The following CRYL1 variants were observed in gnomAD, a reference collection of about 807,000 sequenced individuals.
The protein encoded by CRYL1 is lambda-crystallin homolog.
CRYL1 carries 29 observed loss-of-function variants against 36.6 expected under a neutral mutation model. That is an observed-to-expected ratio of 0.79 (90% CI 0.59 to 1.08). The LOEUF (loss-of-function observed/expected upper bound fraction) is 1.08, where lower values mean the gene tolerates loss of function less well. CRYL1 is among the 50% of genes least tolerant of loss of function. CRYL1 has a pLI of 0.00. For synonymous variants in CRYL1, 152 were observed against 151.5 expected, an observed-to-expected ratio of 1.00 and a Z score of -0.02; for missense variants, 411 against 407.9, an observed-to-expected ratio of 1.01 and a Z score of -0.06.
At chr13:20,470,910 C>CAAAAAAAAA (rs11353451) in intron 3 of CRYL1, among the ~76,000 whole-genome samples, 17 of 40,888 alleles carry the variant, frequency 4.2e-4, no homozygotes, top group African/African-American at 1.3e-3. Context: ...AACTCCATCT[C>CAAAAAAAAA]AAAAAAAAAA....
At chr13:20,430,955 C>G in intron 5 of CRYL1, 1 of 985,420 alleles carries the variant, frequency 1.0e-6, no homozygotes, top group Admixed American at 6.1e-5. Context: ...GCCGCCCTAA[C>G]AGTGGAAACC....
intron 3 of CRYL1, among the ~76,000 whole-genome samples, chr13:20,467,096 T>C (rs1038625536): frequency 2.8e-5 from 4 of 140,420 alleles, no homozygotes; most frequent in South Asian, 2.4e-4. Context: ...TACAGGTGCC[T>C]GCCACCACGC....
intron 3 of CRYL1, among the ~76,000 whole-genome samples, chr13:20,477,499 A>G (rs1405068307): frequency 6.6e-6 from 1 of 150,686 alleles, no homozygotes; most frequent in Admixed American, 6.6e-5. Context: ...AAATACTAGC[A>G]CCCACTTTAC....
At position 20,414,496 on chromosome 13, in the gene CRYL1, G is replaced by A. The variant is rs1434952342; in HGVS notation, c.634-1109C>T. Among the ~76,000 whole-genome samples, 3 of 152,142 alleles carry A rather than the reference G, an allele frequency of 2.0e-5. No individual in the cohort carries two copies. The East Asian group carries it at 5.8e-4, about 29-fold the overall frequency. On this transcript the variant is annotated intron_variant, in intron 5 of 7. Coordinates refer to ENST00000298248, the MANE Select transcript of CRYL1 (RefSeq NM_015974.3). ...TCTAGATTTCTGCCTAGGACCCAGG[G>A]GGGAGTAAGATTAGAGCCATCAAAA...
chr13:20,427,808 T>C (rs2031966163), intron 5 of CRYL1, among the ~76,000 whole-genome samples: 1 of 144,976 alleles, frequency 6.9e-6, no homozygotes, highest in African/African-American at 2.5e-5. Context: ...AGAACACCAA[T>C]CACCAATTTC....
intron 3 of CRYL1, among the ~76,000 whole-genome samples, chr13:20,468,693 C>T (rs1225447662): frequency 1.3e-5 from 2 of 152,100 alleles, no homozygotes; most frequent in African/African-American, 4.8e-5. Flanking sequence ...GCAACCTCTG[C>T]CTCCCGGGTT....
rs1341701232 is a variant in CRYL1, at chr13:20,489,448, C to CA, written c.197dup (p.Ser67GlufsTer48). The CA allele has an allele frequency of 1.9e-6, 3 of 1,613,546 alleles. No individual in the cohort carries two copies. Among genetic ancestry groups the CA allele is most frequent in the African/African-American group, 1.3e-5 (1 of 74,936 alleles). ...TGAGTGACAGCTGCTCTTCCACACT[C>CA]AGGGAGCCTTTCAGAGAACCTGCCT... On this transcript the variant is annotated frameshift_variant, in exon 3 of 8. Transcript: ENST00000298248. LOFTEE classifies it high-confidence loss of function.
chr13:20,431,616 T>A, intron 5 of CRYL1: 1 of 1,040,724 alleles, frequency 9.6e-7, no homozygotes, highest in Non-Finnish European at 1.2e-6. Flanking sequence ...TACATATCAT[T>A]TCCTCTTTAT....
At chr13:20,474,104 C>A (rs1010103206) in intron 3 of CRYL1, among the ~76,000 whole-genome samples, 1 of 152,182 alleles carries the variant, frequency 6.6e-6, no homozygotes, top group East Asian at 1.9e-4. Flanking sequence ...ATGGGCACGT[C>A]CTGAATTCCA....
At chr13:20,451,421 T>C (rs117423119) in intron 3 of CRYL1, among the ~76,000 whole-genome samples, 3 of 152,018 alleles carry the variant, frequency 2.0e-5, no homozygotes, top group Non-Finnish European at 4.4e-5. Context: ...TCAGAATCTA[T>C]AAGGAACTTA....
intron 2 of CRYL1, among the ~76,000 whole-genome samples, chr13:20,493,221 G>A (rs2033544307): frequency 6.6e-6 from 1 of 152,198 alleles, no homozygotes; most frequent in Admixed American, 6.5e-5. Flanking sequence ...TTACCTTCTT[G>A]CCATGTGAGC....
chr13:20,453,400 G>GAATATTTTGAAATATTCTAATATATTTT, intron 3 of CRYL1, among the ~76,000 whole-genome samples: 1 of 133,538 alleles, frequency 7.5e-6, no homozygotes, highest in Non-Finnish European at 1.5e-5. Context: ...GAAATATTTT[G>GAATATTTTGAAATATTCTAATATATTTT]AATATTTTGA....
intron 2 of CRYL1, among the ~76,000 whole-genome samples, chr13:20,490,056 C>A (rs1011462822): frequency 1.3e-5 from 2 of 152,158 alleles, no homozygotes; most frequent in East Asian, 3.8e-4. Context: ...AGGAAAAATA[C>A]TGTGTGATTC....
intron 3 of CRYL1, among the ~76,000 whole-genome samples, chr13:20,484,722 T>C (rs1428998649): frequency 6.6e-6 from 1 of 152,276 alleles, no homozygotes; most frequent in South Asian, 2.1e-4. Flanking sequence ...CTATTTACAG[T>C]ATAATCTCAA....
intron 2 of CRYL1, among the ~76,000 whole-genome samples, chr13:20,495,128 T>A (rs1158998187): frequency 6.6e-6 from 1 of 152,246 alleles, no homozygotes; most frequent in Non-Finnish European, 1.5e-5. Context: ...CAATTTTTTT[T>A]ATTCTTTTGG....
At chr13:20,427,217 G>T in intron 5 of CRYL1, 1 of 985,452 alleles carries the variant, frequency 1.0e-6, no homozygotes, top group Non-Finnish European at 1.2e-6. Flanking sequence ...CCTCCGGCAG[G>T]GGAAGTAAGT....
At chr13:20,496,058 C>T (rs188533318) in intron 2 of CRYL1, among the ~76,000 whole-genome samples, 20 of 152,306 alleles carry the variant, frequency 1.3e-4, no homozygotes, top group Admixed American at 6.5e-4. Flanking sequence ...GCCTTGGCCT[C>T]CCAAAGTGCT....
At chr13:20,431,125 T>A in intron 5 of CRYL1, 1 of 985,384 alleles carries the variant, frequency 1.0e-6, no homozygotes. Flanking sequence ...GGAGGCCACA[T>A]CTGTGATGCA....
At chr13:20,412,714 G>A (rs1183165183) in intron 6 of CRYL1, among the ~76,000 whole-genome samples, 1 of 152,046 alleles carries the variant, frequency 6.6e-6, no homozygotes, top group Non-Finnish European at 1.5e-5. Flanking sequence ...ACAGATAATG[G>A]GCTCAGACCT....
Sources: allele counts gnomAD v4.1 joint callset (sites outside exome capture counted in the v4.1 genomes callset), GRCh38; gene constraint gnomAD v4.1.1; transcripts MANE v1.5; gene names NCBI Gene and HGNC (gene_info 2026-07-23, HGNC 2026-07-21).